ABCG2: variants seen among roughly 807,000 people sequenced by gnomAD.
ABCG2 encodes the protein ATP binding cassette subfamily G member 2 (JR blood group), also known as broad substrate specificity ATP-binding cassette transporter ABCG2.
ABCG2 carries 80 observed loss-of-function variants against 73.5 expected under a neutral mutation model. The observed-to-expected ratio is 1.09, with a 90% confidence interval of 0.91 to 1.31. The LOEUF (loss-of-function observed/expected upper bound fraction) is 1.31, where lower values mean the gene tolerates loss of function less well. Among genes scored for constraint, ABCG2 ranks in the 50% most tolerant of loss-of-function variants. The pLI is 0.00. For synonymous variants in ABCG2, 269 were observed against 282.4 expected (o/e 0.95, Z 0.48); for missense variants, 796 against 786.2 (o/e 1.01, Z -0.15).
chr4:88,099,539 A>G, intron 11 of ABCG2, 91 bp from the exon 12 acceptor site: 2 of 1,366,072 alleles, frequency 1.5e-6, no homozygotes, highest in East Asian at 2.5e-5. Context: ...CTCTGCTGAC[A>G]GCAGGGGTTG....
chr4:88,108,406 C>T (rs1038767101), intron 9 of ABCG2, among the ~76,000 whole-genome samples: 1 of 151,924 alleles, frequency 6.6e-6, no homozygotes, highest in Non-Finnish European at 1.5e-5. Context: ...GTGGTGTACG[C>T]CTGTAGTCCC....
chr4:88,132,024 A>G (rs1321512102), intron 3 of ABCG2, 107 bp from the exon 4 acceptor site: 2 of 654,614 alleles, frequency 3.1e-6, no homozygotes, highest in Non-Finnish European at 5.1e-6. Context: ...GGCTACTTTG[A>G]ATCCAAATTC....
At chr4:88,157,116 A>T (rs1726997710) in intron 1 of ABCG2, among the ~76,000 whole-genome samples, 1 of 152,198 alleles carries the variant, frequency 6.6e-6, no homozygotes, top group Non-Finnish European at 1.5e-5. Context: ...AAAAGTATTG[A>T]CATCATGTAC....
At chr4:88,171,447 C>T (rs755716402) in intron 1 of ABCG2, among the ~76,000 whole-genome samples, 1 of 78,440 alleles carries the variant, frequency 1.3e-5, no homozygotes, top group Admixed American at 1.2e-4. Flanking sequence ...TTTACAGAAG[C>T]TGGTGACTGA....
chr4:88,188,245 A>G (rs1363626508), intron 1 of ABCG2, among the ~76,000 whole-genome samples: 3 of 152,164 alleles, frequency 2.0e-5, no homozygotes, highest in Non-Finnish European at 2.9e-5. Flanking sequence ...TCCTTTCCCG[A>G]CTGAATTAGT....
chr4:88,111,979 C>T (rs761667991), intron 9 of ABCG2, among the ~76,000 whole-genome samples: 33 of 151,346 alleles, frequency 2.2e-4, no homozygotes, highest in African/African-American at 7.3e-4. Flanking sequence ...CACAGCTACT[C>T]GGGAGGCTGA....
At chr4:88,189,659 T>C (rs186617501) in intron 1 of ABCG2, among the ~76,000 whole-genome samples, 516 of 152,368 alleles carry the variant, frequency 3.4e-3, no homozygotes, top group Middle Eastern at 6.8e-3. Context: ...TTTAAGGTTT[T>C]CAACATAGAA....
At chr4:88,175,727 G>T (rs573450991) in intron 1 of ABCG2, among the ~76,000 whole-genome samples, 13 of 152,258 alleles carry the variant, frequency 8.5e-5, no homozygotes, top group Non-Finnish European at 1.5e-4. Flanking sequence ...AGTAGTCTCC[G>T]CGTGCATTCT....
At chr4:88,208,366 G>A (rs1430844082) in intron 1 of ABCG2, among the ~76,000 whole-genome samples, 1 of 152,158 alleles carries the variant, frequency 6.6e-6, no homozygotes, top group Non-Finnish European at 1.5e-5. Context: ...TCAAGCTCTC[G>A]CCTTCCCATG....
chr4:88,139,552 C>T (rs1014438904), intron 2 of ABCG2, among the ~76,000 whole-genome samples: 22 of 152,320 alleles, frequency 1.4e-4, no homozygotes, highest in Non-Finnish European at 3.1e-4. Flanking sequence ...CATATCCAGC[C>T]ACATGTGGTG....
intron 1 of ABCG2, among the ~76,000 whole-genome samples, chr4:88,144,832 G>A (rs1725875691): frequency 6.6e-6 from 1 of 151,994 alleles, no homozygotes; most frequent in Non-Finnish European, 1.5e-5. Context: ...ATGATAATCT[G>A]CATTACAGAT....
intron 9 of ABCG2, among the ~76,000 whole-genome samples, chr4:88,111,646 G>C (rs1723139320): frequency 6.6e-6 from 1 of 152,054 alleles, no homozygotes. Flanking sequence ...TATTTTACTA[G>C]AGCCAACAAT....
intron 10 of ABCG2, among the ~76,000 whole-genome samples, chr4:88,104,181 T>C (rs1347799768): frequency 6.6e-6 from 1 of 152,200 alleles, no homozygotes; most frequent in Non-Finnish European, 1.5e-5. Flanking sequence ...AGGTAGCTAT[T>C]AATTCAAAGA....
chr4:88,212,277 T>A (rs189309493), intron 1 of ABCG2, among the ~76,000 whole-genome samples: 3 of 152,320 alleles, frequency 2.0e-5, no homozygotes, highest in African/African-American at 4.8e-5. Context: ...CAGCTTTGAA[T>A]TTCATGTCAT....
chr4:88,137,353 T>C (rs1403709878), intron 2 of ABCG2, among the ~76,000 whole-genome samples: 1 of 152,170 alleles, frequency 6.6e-6, no homozygotes, highest in African/African-American at 2.4e-5. Context: ...TGAAGTTTAA[T>C]GTAGAATGGA....
intron 13 of ABCG2, 128 bp downstream of exon 13, chr4:88,097,325 T>C (rs754245241): frequency 2.0e-5 from 20 of 1,008,002 alleles, no homozygotes; most frequent in Non-Finnish European, 2.6e-5. Flanking sequence ...TTCCAGTAGA[T>C]GGCCTTAAGT....
intron 14 of ABCG2, among the ~76,000 whole-genome samples, 161 bp downstream of exon 14, chr4:88,095,359 T>G (rs1721913439): frequency 6.6e-6 from 1 of 152,202 alleles, no homozygotes; most frequent in Non-Finnish European, 1.5e-5. Context: ...AGCCTTGTGT[T>G]AACCAAGGCT....
At chr4:88,208,966 C>T (rs775554115) in intron 1 of ABCG2, among the ~76,000 whole-genome samples, 2 of 152,144 alleles carry the variant, frequency 1.3e-5, no homozygotes, top group African/African-American at 2.4e-5. Context: ...CACACCACTG[C>T]ACTCCAGCCT....
intron 10 of ABCG2, among the ~76,000 whole-genome samples, chr4:88,105,069 C>T (rs1264769514): frequency 6.6e-6 from 1 of 152,156 alleles, no homozygotes; most frequent in Non-Finnish European, 1.5e-5. Context: ...CCATCAATTA[C>T]TAGCAAGTCT....
Sources: gnomAD v4.1 joint callset for allele counts (sites outside exome capture counted in the v4.1 genomes callset) on GRCh38, gnomAD v4.1.1 for gene constraint, MANE v1.5 for transcripts, NCBI Gene and HGNC (gene_info 2026-07-23, HGNC 2026-07-21) for gene names.